Variants in MACROD2 observed in about 807,000 individuals in gnomAD.
The protein encoded by MACROD2 is ADP-ribose glycohydrolase MACROD2.
In MACROD2, 36 loss-of-function variants were observed where a neutral mutation model predicts 70.4. That is an observed-to-expected ratio of 0.51 (90% CI 0.39 to 0.68). The LOEUF (loss-of-function observed/expected upper bound fraction) is 0.68. Among genes scored for constraint, MACROD2 ranks in the 30% least tolerant of loss-of-function variants. The probability of loss-of-function intolerance (pLI) is 0.00; values close to 1 mark genes in which losing one functional copy is unlikely to be tolerated. For missense variants in MACROD2, 496 were observed against 538.4 expected, an observed-to-expected ratio of 0.92 and a Z score of 0.78; for synonymous variants, 172 against 178.8, an observed-to-expected ratio of 0.96 and a Z score of 0.30.
intron 3 of MACROD2, among the ~76,000 whole-genome samples, chr20:14,407,395 C>T (rs937714770): frequency 3.3e-5 from 5 of 151,992 alleles, no homozygotes; most frequent in Non-Finnish European, 5.9e-5. Flanking sequence ...CAGTTTTATG[C>T]ACTTTTTTCT....
chr20:15,811,399 C>T (rs1325909801), intron 8 of MACROD2, among the ~76,000 whole-genome samples: 3 of 152,092 alleles, frequency 2.0e-5, no homozygotes, highest in African/African-American at 7.2e-5. Context: ...TACCATCTCA[C>T]ACCAGTTAGA....
At chr20:15,050,128 T>C (rs1024256392) in intron 5 of MACROD2, among the ~76,000 whole-genome samples, 4 of 152,204 alleles carry the variant, frequency 2.6e-5, no homozygotes, top group African/African-American at 9.7e-5. Flanking sequence ...ATTTCCAGTC[T>C]GTCTTGTGCT....
intron 5 of MACROD2, among the ~76,000 whole-genome samples, chr20:15,058,273 C>T (rs1256956809): frequency 6.6e-6 from 1 of 152,108 alleles, no homozygotes; most frequent in Admixed American, 6.5e-5. Flanking sequence ...CATGCTCTTA[C>T]AGTTTCTTCA....
intron 5 of MACROD2, among the ~76,000 whole-genome samples, chr20:14,817,382 C>T (rs1208487260): frequency 6.6e-6 from 1 of 152,148 alleles, no homozygotes; most frequent in Non-Finnish European, 1.5e-5. Flanking sequence ...GTGGCTCATA[C>T]ATGCGTCGTG....
intron 6 of MACROD2, among the ~76,000 whole-genome samples, chr20:15,250,830 G>A (rs1333102365): frequency 6.6e-6 from 1 of 152,162 alleles, no homozygotes; most frequent in Non-Finnish European, 1.5e-5. Flanking sequence ...AGCTCCATGA[G>A]GGTAGGGACA....
chr20:16,049,797 TTAATC>T, intron 17 of MACROD2, 28 bp from the exon 18 acceptor site: 1 of 1,611,680 alleles, frequency 6.2e-7, no homozygotes, highest in Non-Finnish European at 8.5e-7. Context: ...TGTCTTATCT[TTAATC>T]TAACAAATGG....
intron 5 of MACROD2, among the ~76,000 whole-genome samples, chr20:15,016,542 G>A (rs1392375449): frequency 6.6e-6 from 1 of 152,110 alleles, no homozygotes; most frequent in African/African-American, 2.4e-5. Context: ...TAATGAGTGG[G>A]TTTTTGCTCT....
chr20:15,134,518 A>G (rs542433956), intron 5 of MACROD2, among the ~76,000 whole-genome samples: 223 of 152,222 alleles, frequency 1.5e-3, no homozygotes, highest in African/African-American at 4.8e-3. Context: ...TTTGAAACCA[A>G]TGAGAACACA....
At chr20:14,345,121 AC>A (rs1256657185) in intron 3 of MACROD2, among the ~76,000 whole-genome samples, 59 of 152,336 alleles carry the variant, frequency 3.9e-4, no homozygotes, top group African/African-American at 1.3e-3. Context: ...GTTTTAGGTA[AC>A]TAAACTTTTT....
At chr20:14,014,757 C>G (rs2052963091) in intron 2 of MACROD2, among the ~76,000 whole-genome samples, 1 of 151,990 alleles carries the variant, frequency 6.6e-6, no homozygotes, top group South Asian at 2.1e-4. Flanking sequence ...CCGAATACAT[C>G]TGTTCTTTCT....
intron 5 of MACROD2, among the ~76,000 whole-genome samples, chr20:14,769,481 C>G (rs1420696622): frequency 2.6e-5 from 4 of 152,008 alleles, no homozygotes; most frequent in Non-Finnish European, 5.9e-5. Context: ...ACAAATTTCT[C>G]CCTTTAAACC....
At chr20:14,572,410 A>G (rs1320363479) in intron 4 of MACROD2, among the ~76,000 whole-genome samples, 15 of 152,238 alleles carry the variant, frequency 9.9e-5, no homozygotes, top group South Asian at 2.1e-4. Context: ...CTACCCTATG[A>G]ACAGCAGTGT....
intron 5 of MACROD2, among the ~76,000 whole-genome samples, chr20:15,013,865 T>C (rs1004379364): frequency 2.0e-5 from 3 of 152,182 alleles, no homozygotes; most frequent in African/African-American, 7.2e-5. Flanking sequence ...AAATGAAGCA[T>C]GATCACTCTG....
chr20:15,227,265 TAAAGG>T (rs889181242), intron 5 of MACROD2, among the ~76,000 whole-genome samples: 7 of 152,162 alleles, frequency 4.6e-5, no homozygotes, highest in African/African-American at 1.4e-4. Context: ...CGATGATGAC[TAAAGG>T]AAAGCAAAGG....
At chr20:14,555,256 A>C (rs1412927269) in intron 4 of MACROD2, among the ~76,000 whole-genome samples, 1 of 152,082 alleles carries the variant, frequency 6.6e-6, no homozygotes. Flanking sequence ...ATGTACCCCC[A>C]AAAACTTAAA....
intron 3 of MACROD2, among the ~76,000 whole-genome samples, chr20:14,177,661 C>T (rs986319317): frequency 5.3e-5 from 8 of 152,128 alleles, no homozygotes; most frequent in South Asian, 4.2e-4. Context: ...ATGCTTGTAT[C>T]GACCAATGAC....
At chr20:15,436,180 A>ATTAGTCCG (rs2046425688) in intron 7 of MACROD2, among the ~76,000 whole-genome samples, 1 of 151,782 alleles carries the variant, frequency 6.6e-6, no homozygotes, top group African/African-American at 2.4e-5. Context: ...TATGTCCTGC[A>ATTAGTCCG]TTAGTCCGTT....
At chr20:15,045,744 T>TTC (rs11482249) in intron 5 of MACROD2, among the ~76,000 whole-genome samples, 68 of 134,696 alleles carry the variant, frequency 5.0e-4, no homozygotes, top group African/African-American at 1.9e-3. Context: ...TTTTTTTTTT[T>TTC]CCCTTTCTGA....
chr20:15,331,346 G>T (rs753285329), intron 6 of MACROD2, among the ~76,000 whole-genome samples: 1 of 151,516 alleles, frequency 6.6e-6, no homozygotes, highest in African/African-American at 2.4e-5. Flanking sequence ...ACCTGGTGAG[G>T]TCTACTTGGT....
Sources: gnomAD v4.1 joint callset for allele counts (sites outside exome capture counted in the v4.1 genomes callset) on GRCh38, gnomAD v4.1.1 for gene constraint, MANE v1.5 for transcripts, NCBI Gene and HGNC (gene_info 2026-07-23, HGNC 2026-07-21) for gene names.